LARGE1: variants seen among roughly 807,000 people sequenced by gnomAD.
LARGE1 encodes xylosyl- and glucuronyltransferase LARGE1.
LARGE1 carries 43 observed loss-of-function variants against 87.6 expected under a neutral mutation model. The observed-to-expected ratio is 0.49, with a 90% confidence interval of 0.38 to 0.63. The LOEUF (loss-of-function observed/expected upper bound fraction) is 0.63, where lower values mean the gene tolerates loss of function less well. LARGE1 is among the 30% of genes least tolerant of loss of function. The pLI is 0.00. For synonymous variants in LARGE1, 434 were observed against 394.6 expected (o/e 1.10, Z -1.18); for missense variants, 802 against 1,000.2 (o/e 0.80, Z 2.67).
intron 7 of LARGE1, among the ~76,000 whole-genome samples, chr22:33,427,434 T>C (rs962367445): frequency 1.3e-5 from 2 of 152,142 alleles, no homozygotes; most frequent in African/African-American, 4.8e-5. Context: ...TTTGTGGCCA[T>C]GTAGGCTTTG....
chr22:33,153,764 G>A, the LARGE1 span, among the ~76,000 whole-genome samples: 1 of 152,160 alleles, frequency 6.6e-6, no homozygotes, highest in African/African-American at 2.4e-5. Flanking sequence ...TATTTGCATA[G>A]TTTATAAGTG....
intron 11 of LARGE1, among the ~76,000 whole-genome samples, chr22:33,309,268 G>A (rs1035385800): frequency 6.6e-5 from 10 of 151,952 alleles, no homozygotes; most frequent in African/African-American, 2.4e-4. Context: ...CCAGGTTCAA[G>A]CGATTTTCCT....
intron 1 of LARGE1, among the ~76,000 whole-genome samples, chr22:33,904,445 C>T (rs1291489951): frequency 6.6e-6 from 1 of 152,180 alleles, no homozygotes; most frequent in East Asian, 1.9e-4. Flanking sequence ...TGAGCCACCG[C>T]GCCTGGCCAC....
chr22:33,208,465 C>G (rs1924793642), intron 11 of LARGE1, among the ~76,000 whole-genome samples: 1 of 152,208 alleles, frequency 6.6e-6, no homozygotes, highest in Admixed American at 6.5e-5. Context: ...ATTGTAGTCA[C>G]TGCATTCCAA....
At chr22:33,148,189 C>A in the LARGE1 span, among the ~76,000 whole-genome samples, 9 of 152,282 alleles carry the variant, frequency 5.9e-5, no homozygotes, top group African/African-American at 2.2e-4. Flanking sequence ...ACTTTCCAGA[C>A]TTCAGAGCCT....
chr22:33,466,792 A>G (rs1409390259), intron 6 of LARGE1, among the ~76,000 whole-genome samples: 1 of 151,914 alleles, frequency 6.6e-6, no homozygotes, highest in African/African-American at 2.4e-5. Flanking sequence ...TAACCCCAGC[A>G]CTTTGGGAGG....
intron 2 of LARGE1, among the ~76,000 whole-genome samples, chr22:33,739,950 C>T (rs148759607): frequency 2.9e-3 from 449 of 152,292 alleles, no homozygotes; most frequent in African/African-American, 9.1e-3. Flanking sequence ...TTCTGCAGGG[C>T]TCAAAAGCCA....
chr22:33,422,113 G>C (rs573458257), intron 7 of LARGE1, among the ~76,000 whole-genome samples: 1 of 152,352 alleles, frequency 6.6e-6, no homozygotes, highest in East Asian at 1.9e-4. Context: ...CATCCAGCCA[G>C]CCTGTTGAAC....
intron 12 of LARGE1, among the ~76,000 whole-genome samples, chr22:33,285,652 C>T (rs147275812): frequency 0.021 from 3,220 of 150,664 alleles, 63 homozygotes; most frequent in Non-Finnish European, 0.032. Flanking sequence ...AACAAAAAAA[C>T]CTTGTCCTCC....
At chr22:33,076,568 AT>A in the LARGE1 span, among the ~76,000 whole-genome samples, 1 of 152,112 alleles carries the variant, frequency 6.6e-6, no homozygotes, top group Non-Finnish European at 1.5e-5. Flanking sequence ...TGTCAATGGG[AT>A]TTTTCCTGCT....
At chr22:33,746,094 T>C (rs529739485) in intron 2 of LARGE1, among the ~76,000 whole-genome samples, 3 of 152,240 alleles carry the variant, frequency 2.0e-5, no homozygotes, top group Admixed American at 2.0e-4. Flanking sequence ...GCACGAAAAT[T>C]AGTCGGGTAT....
At position 33,860,401 on chromosome 22, in the gene LARGE1, G is replaced by C. The variant is rs1418160838; in HGVS notation, c.-83+59594C>G. Among the ~76,000 whole-genome samples, 4 of 152,160 alleles carry C rather than the reference G, an allele frequency of 2.6e-5. No individual in the cohort carries two copies. The South Asian group carries it at 6.2e-4, about 24-fold the overall frequency. ...AACCCATAGCACCTGGCATACCATA[G>C]ATGTTCAAATAAATATTTGTTTCTC... On this transcript the variant is annotated intron_variant, in intron 1 of 14. Coordinates refer to ENST00000397394, the MANE Select transcript of LARGE1 (RefSeq NM_133642.5).
intron 1 of LARGE1, among the ~76,000 whole-genome samples, chr22:33,770,344 G>C (rs960846036): frequency 1.3e-5 from 2 of 152,214 alleles, no homozygotes; most frequent in Non-Finnish European, 2.9e-5. Flanking sequence ...GCATTGCACT[G>C]ATAACGTATG....
intron 1 of LARGE1, among the ~76,000 whole-genome samples, chr22:33,781,754 C>T (rs1219184994): frequency 2.6e-5 from 4 of 152,054 alleles, no homozygotes; most frequent in East Asian, 3.9e-4. Context: ...CGTAAGTGAC[C>T]GCATTAGTCC....
At chr22:33,797,995 G>A (rs141121007) in intron 1 of LARGE1, among the ~76,000 whole-genome samples, 8 of 152,222 alleles carry the variant, frequency 5.3e-5, no homozygotes, top group Non-Finnish European at 1.0e-4. Flanking sequence ...GACATTGGCC[G>A]GGTGCAGTGG....
intron 6 of LARGE1, among the ~76,000 whole-genome samples, chr22:33,506,073 G>C (rs7291415): frequency 0.055 from 8,432 of 152,058 alleles, 357 homozygotes; most frequent in African/African-American, 0.11. Flanking sequence ...CATGAATTCT[G>C]TGCATTTACC....
intron 9 of LARGE1, among the ~76,000 whole-genome samples, chr22:33,356,923 A>T (rs1262365487): frequency 6.6e-6 from 1 of 152,216 alleles, no homozygotes; most frequent in Non-Finnish European, 1.5e-5. Context: ...GTTGGTGGGA[A>T]TGGAAATTAG....
chr22:33,448,102 G>T (rs1006794650), intron 6 of LARGE1, among the ~76,000 whole-genome samples: 1 of 151,852 alleles, frequency 6.6e-6, no homozygotes, highest in South Asian at 2.1e-4. Flanking sequence ...GGAGAGGGGG[G>T]TGTGGAATGA....
At chr22:33,365,565 T>C (rs62225262) in intron 9 of LARGE1, among the ~76,000 whole-genome samples, 9,943 of 152,228 alleles carry the variant, frequency 0.065, 563 homozygotes, top group African/African-American at 0.16. Context: ...TATATTTTGT[T>C]TAGTGCTCTC....
Sources: allele counts gnomAD v4.1 joint callset (sites outside exome capture counted in the v4.1 genomes callset), GRCh38; gene constraint gnomAD v4.1.1; transcripts MANE v1.5; gene names NCBI Gene and HGNC (gene_info 2026-07-23, HGNC 2026-07-21).